The following RPUSD3 variants were observed in gnomAD, a reference collection of about 807,000 sequenced individuals.
RPUSD3 encodes the protein RNA pseudouridine synthase D3, also known as mitochondrial mRNA pseudouridine synthase RPUSD3.
In RPUSD3, 36 loss-of-function variants were observed where a neutral mutation model predicts 35.1. The observed-to-expected ratio is 1.02, with a 90% CI of 0.79 to 1.35. The LOEUF (loss-of-function observed/expected upper bound fraction) is 1.35, where lower values mean the gene tolerates loss of function less well. Ranked by LOEUF, RPUSD3 falls within the 40% of genes most tolerant of loss-of-function variation. RPUSD3 has a pLI of 0.00. For synonymous variants in RPUSD3, 202 were observed against 187.8 expected, an observed-to-expected ratio of 1.08 and a Z score of -0.62; for missense variants, 486 against 441.9, an observed-to-expected ratio of 1.10 and a Z score of -0.89.
At chr3:9,843,312 G>C in intron 2 of RPUSD3, 153 bp downstream of exon 2, 1 of 1,030,956 alleles carries the variant, frequency 9.7e-7, no homozygotes, top group Non-Finnish European at 1.4e-6. Flanking sequence ...GGTTAAAAGC[G>C]GGGAGAGGGT....
At chr3:9,843,635 C>T (rs1337670224) in intron 1 of RPUSD3, 34 bp from the exon 2 acceptor site, 1 of 1,610,012 alleles carries the variant, frequency 6.2e-7, no homozygotes, top group Non-Finnish European at 8.5e-7. Flanking sequence ...GGGAGTCATT[C>T]CATCCCGAGG....
intron 8 of RPUSD3, 119 bp from the exon 9 acceptor site, chr3:9,838,326 G>A (rs573406287): frequency 1.1e-6 from 1 of 928,586 alleles, no homozygotes; most frequent in East Asian, 2.5e-5. Flanking sequence ...TTCTGCAACT[G>A]TTAATCATTT....
At chr3:9,839,867 C>A (rs562265452) in intron 7 of RPUSD3, 12 of 222,304 alleles carry the variant, frequency 5.4e-5, no homozygotes, top group Admixed American at 2.3e-4. Flanking sequence ...CGTGAGCCAC[C>A]GCGCCTGGCT....
At chr3:9,839,569 TAAGCC>T (rs1468632197) in intron 7 of RPUSD3, 1 of 158,416 alleles carries the variant, frequency 6.3e-6, no homozygotes, top group Non-Finnish European at 1.4e-5. Flanking sequence ...CTTGCCTCCC[TAAGCC>T]AAGTGCAGTT....
rs1025527167 is a variant in RPUSD3, at chr3:9,839,243, CT to C, written c.725-73del. ...TGTGCCACCCAGTATCACTCCTCCC[CT>C]TTTCCTTTGGGGAAACACCACCCCC... On this transcript the variant is annotated intron_variant, in intron 7 of 8. Transcript: ENST00000383820. 9.8e-6 allele frequency: 15 copies of C among 1,536,608 alleles called. No homozygotes were observed. The African/African-American group carries it at 1.9e-4, about 20-fold the overall frequency.
intron 2 of RPUSD3, chr3:9,842,672 C>T (rs560154048): frequency 6.8e-4 from 171 of 250,446 alleles, no homozygotes; most frequent in Non-Finnish European, 1.1e-3. Flanking sequence ...GAGCAGAAAC[C>T]ATATCTATCT....
chr3:9,843,300 A>C, intron 2 of RPUSD3, 165 bp downstream of exon 2: 2 of 882,054 alleles, frequency 2.3e-6, no homozygotes, highest in Non-Finnish European at 1.8e-6. Flanking sequence ...TCATGGCAGT[A>C]GGGTTAAAAG....
At chr3:9,843,800 T>C in intron 1 of RPUSD3, 90 bp downstream of exon 1, 2 of 1,551,044 alleles carry the variant, frequency 1.3e-6, no homozygotes, top group South Asian at 1.2e-5. Context: ...CGGGGCTGTT[T>C]TCGGGTAACA....
At chr3:9,841,857 A>G in intron 4 of RPUSD3, 126 bp downstream of exon 4, 2 of 778,572 alleles carry the variant, frequency 2.6e-6, no homozygotes, top group South Asian at 1.7e-5. Context: ...TCTTCACAGT[A>G]CTTGTATCCA....
intron 1 of RPUSD3, 88 bp downstream of exon 1, chr3:9,843,802 C>T: frequency 6.4e-7 from 1 of 1,551,086 alleles, no homozygotes. Context: ...GGGCTGTTTT[C>T]GGGTAACATC....
intron 4 of RPUSD3, chr3:9,841,449 A>C (rs1393739101): frequency 1.3e-5 from 2 of 156,504 alleles, no homozygotes; most frequent in African/African-American, 4.8e-5. Context: ...CGAGCACTAC[A>C]GGCATGTGCT....
At chr3:9,841,734 G>A in intron 4 of RPUSD3, 1 of 370,004 alleles carries the variant, frequency 2.7e-6, no homozygotes. Context: ...CTCCAGAAGT[G>A]TTGGGATTAC....
In RPUSD3 at chr3:9,839,186, A is replaced by G; in HGVS notation, c.725-15T>C. On this transcript the variant is annotated splice_polypyrimidine_tract_variant and intron_variant, in intron 7 of 8. Transcript: ENST00000383820. The stretch of plus-strand genomic sequence containing the variant: ...ACTGGAGAACACTGGGCAACAGGAA[A>G]GCCAGGAGAGACAGTGGGCAGCTAC... 2.5e-6 allele frequency: 4 copies of G among 1,599,210 alleles called. No individual in the cohort carries two copies. Among genetic ancestry groups the G allele is most frequent in the Non-Finnish European group, 3.4e-6 (4 of 1,168,446 alleles).
At chr3:9,843,437 T>C (rs923994432) in intron 2 of RPUSD3, 28 bp downstream of exon 2, 5 of 1,612,780 alleles carry the variant, frequency 3.1e-6, no homozygotes, top group Non-Finnish European at 4.2e-6. Flanking sequence ...CTCCCGGTCC[T>C]TGTGCGGCCG....
At chr3:9,838,086 A>G (rs1192697763) in exon 9 of RPUSD3, 1 of 1,612,150 alleles carries the variant, frequency 6.2e-7, no homozygotes, top group Admixed American at 1.7e-5. Flanking sequence ...CAGGAGCTCA[A>G]CAGGGGTGTC....
At chr3:9,840,761 G>A (rs1275947485) in exon 5 of RPUSD3, 1 of 1,614,140 alleles carries the variant, frequency 6.2e-7, no homozygotes, top group African/African-American at 1.3e-5. Flanking sequence ...GAGGCGACTA[G>A]CTGTCTGGGG....
At chr3:9,843,408 T>G in intron 2 of RPUSD3, 57 bp downstream of exon 2, 1 of 1,604,194 alleles carries the variant, frequency 6.2e-7, no homozygotes, top group South Asian at 1.1e-5. Flanking sequence ...AGAGCCCAAC[T>G]GCACGCCGAG....
exon 8 of RPUSD3, chr3:9,839,036 C>G: frequency 6.2e-7 from 1 of 1,614,162 alleles, no homozygotes; most frequent in Non-Finnish European, 8.5e-7. Context: ...GAGTACCTGT[C>G]TTTGGGGCTT....
At chr3:9,842,729 A>G (rs1011756254) in intron 2 of RPUSD3, 2 of 165,028 alleles carry the variant, frequency 1.2e-5, no homozygotes, top group African/African-American at 2.4e-5. Context: ...GGAACATAGC[A>G]TATGTTCAAG....
Sources: gnomAD v4.1 joint callset for allele counts on GRCh38, gnomAD v4.1.1 for gene constraint, MANE v1.5 for transcripts, NCBI Gene and HGNC (gene_info 2026-07-23, HGNC 2026-07-21) for gene names.